Variants in MATR3 observed in about 807,000 individuals in gnomAD.
MATR3 encodes the protein matrin-3.
A neutral mutation model predicts 85.5 loss-of-function variants in MATR3; 4 were observed. That is an observed-to-expected ratio of 0.05 (90% CI 0.02 to 0.11). The LOEUF is 0.11. MATR3 is among the 10% of genes least tolerant of loss of function. MATR3 has a pLI of 1.00. For missense variants in MATR3, 685 were observed against 1,016.1 expected (o/e 0.67, Z 4.43); for synonymous variants, 336 against 343.1 (o/e 0.98, Z 0.23).
At chr5:139,292,722 A>G (rs866706043), upstream of MATR3, among the ~76,000 whole-genome samples, 2 of 152,120 alleles carry the variant, frequency 1.3e-5, no homozygotes, top group South Asian at 4.1e-4. Context: ...GGCGGATCAC[A>G]AGGTCAGGAG....
intron 9 of MATR3, chr5:139,321,664 G>T: frequency 1.9e-6 from 1 of 537,520 alleles, no homozygotes; most frequent in Non-Finnish European, 3.3e-6. Flanking sequence ...CATGCCTGTA[G>T]ACCTAGCTAC....
chr5:139,325,713 C>T (rs1264994191), intron 13 of MATR3, 51 bp downstream of exon 13: 3 of 1,481,806 alleles, frequency 2.0e-6, no homozygotes. Flanking sequence ...TCAAAACAAA[C>T]TCTTAGGTTT....
chr5:139,303,234 T>C (rs1754543646), intron 1 of MATR3, among the ~76,000 whole-genome samples: 1 of 152,166 alleles, frequency 6.6e-6, no homozygotes, highest in Non-Finnish European at 1.5e-5. Context: ...CCCACGTAGG[T>C]GGGACTACAG....
At chr5:139,324,230 C>G (rs142165112) in intron 12 of MATR3, among the ~76,000 whole-genome samples, 29 of 150,972 alleles carry the variant, frequency 1.9e-4, no homozygotes, top group Non-Finnish European at 3.8e-4. Context: ...TAATCCCATA[C>G]TGCTTATAAG....
At chr5:139,276,088 T>C (rs1753267118) in intron 1 of MATR3, 2 of 456,670 alleles carry the variant, frequency 4.4e-6, no homozygotes, top group Non-Finnish European at 8.8e-6. Context: ...GTGTTCACTG[T>C]TGGCTGACTA....
At chr5:139,324,603 G>GT (rs1164304717) in intron 12 of MATR3, among the ~76,000 whole-genome samples, 1 of 152,004 alleles carries the variant, frequency 6.6e-6, no homozygotes, top group Non-Finnish European at 1.5e-5. Flanking sequence ...CCAGAGCTTG[G>GT]TTTTTTAGCC....
In MATR3 at chr5:139,329,897, A is replaced by G. The variant is rs1383463217; in HGVS notation, c.*502A>G. 2 of 454,518 alleles carry G rather than the reference A, an allele frequency of 4.4e-6. No homozygotes were observed. The highest frequency in any genetic ancestry group is 8.8e-6 in the Non-Finnish European group (2 of 226,782). 28.2% of individuals were successfully genotyped at this position (454,518 alleles called of 1,614,324 possible). ...TTTTGGAGAACTTAATTAACGTGAG[A>G]TTGGCAATTGAAATGCAGGTGCAGT... On this transcript the variant is annotated 3_prime_UTR_variant, in exon 15 of 15. Transcript: ENST00000394805.
chr5:139,306,576 A>G (rs1754717359), intron 1 of MATR3, among the ~76,000 whole-genome samples: 1 of 152,206 alleles, frequency 6.6e-6, no homozygotes, highest in African/African-American at 2.4e-5. Context: ...CTGATGTAGG[A>G]TGGTCAGTAA....
chr5:139,321,034 G>A (rs1256316799), intron 9 of MATR3, among the ~76,000 whole-genome samples: 1 of 151,600 alleles, frequency 6.6e-6, no homozygotes, highest in Non-Finnish European at 1.5e-5. Flanking sequence ...GGGATTACAG[G>A]CTGAGCCACC....
rs1333076799 is a variant in MATR3, at chr5:139,331,664, T to C, written c.*2269T>C. On this transcript the variant is annotated 3_prime_UTR_variant, in exon 15 of 15. Transcript: ENST00000394805. ...ATCCTACAAAAGTGAATGAAACTTC[T>C]AGAAGTACCTTGAGTTTGTTTTACA... is the stretch of plus-strand genomic sequence containing the variant. The C allele has an allele frequency of 4.5e-6, 2 of 443,188 alleles. No individual in the cohort carries two copies. The highest frequency in any genetic ancestry group is 2.5e-5 in the Admixed American group (1 of 40,450). The allele number at this position is 443,188 out of a possible 1,614,324, so 27.5% of individuals were successfully genotyped here. A position where few individuals can be genotyped will look rare whatever the true frequency, so the allele number is the denominator to read the frequency against.
chr5:139,300,366 A>G (rs1026975183), intron 1 of MATR3, among the ~76,000 whole-genome samples: 2 of 152,324 alleles, frequency 1.3e-5, no homozygotes, highest in African/African-American at 4.8e-5. Context: ...CTCTGTCTCA[A>G]AAACAAAAGT....
intron 1 of MATR3, chr5:139,294,589 G>C (rs995043519): frequency 5.3e-5 from 8 of 152,174 alleles, no homozygotes; most frequent in Admixed American, 5.2e-4. Context: ...CTGCGTCGTG[G>C]AACAAGCCGC....
chr5:139,305,966 C>T (rs1354287786), intron 1 of MATR3, among the ~76,000 whole-genome samples: 1 of 152,100 alleles, frequency 6.6e-6, no homozygotes, highest in Non-Finnish European at 1.5e-5. Flanking sequence ...CTTGTAACTA[C>T]TGGATATTGT....
Position 139,317,501 on chromosome 5 carries a change from G to T in MATR3, c.1183-95G>T, listed in dbSNP as rs1472530185. The T allele has an allele frequency of 8.2e-6, 10 of 1,219,348 alleles. No individual in the cohort carries two copies. In the Middle Eastern group the frequency reaches 1.6e-3, roughly 197 times the overall value. 75.5% of individuals were successfully genotyped at this position (1,219,348 alleles called of 1,614,324 possible). A position where few individuals can be genotyped will look rare whatever the true frequency, so the allele number is the denominator to read the frequency against. ...TGAGTTGTTTTACTTACACTCTCCT[G>T]GTTAATTATAGATTATAAAAAGTCC... On this transcript the variant is annotated intron_variant, in intron 6 of 14. Coordinates refer to ENST00000394805, the MANE Select transcript of MATR3 (RefSeq NM_018834.6).
At chr5:139,283,373 A>G (rs1490377496) in intron 3 of MATR3, 2 of 152,268 alleles carry the variant, frequency 1.3e-5, no homozygotes, top group Non-Finnish European at 2.9e-5. Context: ...CTACCCCAGC[A>G]AGTGATGGGT....
chr5:139,324,910 G>C (rs999419048), intron 12 of MATR3, among the ~76,000 whole-genome samples: 1 of 151,948 alleles, frequency 6.6e-6, no homozygotes, highest in Non-Finnish European at 1.5e-5. Flanking sequence ...ACAAAGACGC[G>C]GCCGGGCACG....
At chr5:139,314,509 G>A in intron 2 of MATR3, 166 bp from the exon 3 acceptor site, 2 of 633,820 alleles carry the variant, frequency 3.2e-6, no homozygotes, top group Non-Finnish European at 5.8e-6. Context: ...AAGCCTCAAG[G>A]ATTCAGAGAA....
intron 2 of MATR3, chr5:139,313,760 C>A (rs758046396): frequency 6.6e-6 from 1 of 151,986 alleles, no homozygotes; most frequent in African/African-American, 2.4e-5. Context: ...AAATGGGATT[C>A]GTTTTCTAGA....
chr5:139,323,498 C>A (rs1472440961), intron 12 of MATR3, among the ~76,000 whole-genome samples: 1 of 152,158 alleles, frequency 6.6e-6, no homozygotes. Flanking sequence ...TATAAAAATA[C>A]ACACATGCTA....
Sources: allele counts gnomAD v4.1 joint callset (sites outside exome capture counted in the v4.1 genomes callset), GRCh38; gene constraint gnomAD v4.1.1; transcripts MANE v1.5; gene names NCBI Gene and HGNC (gene_info 2026-07-23, HGNC 2026-07-21).